The following PPP2R1B variants were observed in gnomAD, a reference collection of about 807,000 sequenced individuals.
PPP2R1B encodes protein phosphatase 2 scaffold subunit Abeta.
Under a neutral mutation model 72.7 loss-of-function variants are expected in PPP2R1B, and 58 were observed. The ratio of observed to expected loss-of-function variants is 0.80; its 90% CI spans 0.65 to 0.99. The LOEUF is 0.99. Among genes scored for constraint, PPP2R1B ranks in the 50% least tolerant of loss-of-function variants. The probability of loss-of-function intolerance (pLI) is 0.00; values close to 1 mark genes in which losing one functional copy is unlikely to be tolerated. For missense variants in PPP2R1B, 695 were observed against 733.6 expected, an observed-to-expected ratio of 0.95 and a Z score of 0.61; for synonymous variants, 256 against 264.6, an observed-to-expected ratio of 0.97 and a Z score of 0.32.
At chr11:111,720,563 C>T in the PPP2R1B span, 1 of 1,614,158 alleles carries the variant, frequency 6.2e-7, no homozygotes, top group Non-Finnish European at 8.5e-7. Flanking sequence ...GGGACCTGAA[C>T]TTTCTGGAAG....
chr11:111,754,399 T>C (rs1159571276), intron 8 of PPP2R1B, 100 bp downstream of exon 8: 15 of 1,442,338 alleles, frequency 1.0e-5, no homozygotes, highest in Non-Finnish European at 1.4e-5. Context: ...TGTCAACCTT[T>C]AAACTCAAAG....
At chr11:111,699,994 A>G in the PPP2R1B span, among the ~76,000 whole-genome samples, 17 of 152,254 alleles carry the variant, frequency 1.1e-4, no homozygotes, top group African/African-American at 3.4e-4. Context: ...AGTCAGGAGT[A>G]TGTAGCAACA....
chr11:111,760,164 A>T (rs1185930958), intron 4 of PPP2R1B, among the ~76,000 whole-genome samples: 2 of 152,192 alleles, frequency 1.3e-5, no homozygotes, highest in Non-Finnish European at 2.9e-5. Flanking sequence ...TAATCAAAGC[A>T]CTTTGGGAGG....
downstream of PPP2R1B, chr11:111,737,754 G>A: frequency 1.5e-6 from 2 of 1,328,114 alleles, no homozygotes; most frequent in Non-Finnish European, 2.0e-6. Flanking sequence ...GTGCTGAGGT[G>A]CCTTTCCCTC....
At chr11:111,761,300 GACAC>G (rs1945318569) in intron 3 of PPP2R1B, 1 of 625,514 alleles carries the variant, frequency 1.6e-6, no homozygotes, top group Non-Finnish European at 3.0e-6. Context: ...GTCTACAAAT[GACAC>G]AGTGTAAAAG....
chr11:111,737,499 A>G (rs749592176), downstream of PPP2R1B: 1 of 1,614,088 alleles, frequency 6.2e-7, no homozygotes, highest in Non-Finnish European at 8.5e-7. Flanking sequence ...GGTTCTTGTC[A>G]GCCCGAGGGA....
chr11:111,715,777 CTT>C, the PPP2R1B span, among the ~76,000 whole-genome samples: 1 of 143,354 alleles, frequency 7.0e-6, no homozygotes, highest in South Asian at 2.3e-4. Context: ...TACACGCACA[CTT>C]GAGTCATTTT....
At chr11:111,688,231 C>T in the PPP2R1B span, 1 of 1,504,434 alleles carries the variant, frequency 6.6e-7, no homozygotes. The surrounding 1 kb of genome is among the most constrained non-coding windows in gnomAD (Gnocchi z 4.2). Flanking sequence ...TGGAAACAGA[C>T]CTGCAGGCGC....
At chr11:111,720,125 G>T in the PPP2R1B span, 1 of 974,028 alleles carries the variant, frequency 1.0e-6, no homozygotes, top group Non-Finnish European at 1.5e-6. Context: ...TTCCTTTATG[G>T]ATTAGATTCA....
chr11:111,764,731 G>A (rs1372570595), intron 3 of PPP2R1B, 74 bp downstream of exon 3: 2 of 1,441,296 alleles, frequency 1.4e-6, no homozygotes, highest in Non-Finnish European at 1.9e-6. Flanking sequence ...GCTGCAGTGT[G>A]TCTATCACCA....
At chr11:111,736,078 C>A (rs950910703), downstream of PPP2R1B, among the ~76,000 whole-genome samples, 2 of 152,104 alleles carry the variant, frequency 1.3e-5, no homozygotes, top group Admixed American at 1.3e-4. Flanking sequence ...AAAAAGATTC[C>A]CAAATAGACA....
chr11:111,739,329 CCTT>C lies in PPP2R1B; in HGVS notation c.*2264_*2266del. ...TGAAATCAAGATAGGAGAACTTTTC[CCTT>C]AAGTTTAAGGTAGTTAAAAAAAAAA... On this transcript the variant is annotated 3_prime_UTR_variant, in exon 15 of 15. Transcript: ENST00000527614. 1.0e-6 allele frequency: 1 copy of C among 967,842 alleles called. No individual in the cohort carries two copies. Among genetic ancestry groups the C allele is most frequent in the Non-Finnish European group, 1.2e-6 (1 of 822,838 alleles). 60.0% of individuals were successfully genotyped at this position (967,842 alleles called of 1,614,324 possible).
chr11:111,765,364 C>CT lies in PPP2R1B; in HGVS notation c.134dup (p.Lys46GlufsTer17). The CT allele has an allele frequency of 1.2e-6, 2 of 1,612,944 alleles. No homozygotes were observed. The highest frequency in any genetic ancestry group is 2.2e-5 in the South Asian group (2 of 90,822). ...GTGCTAGGGCAATTGTTGATAACTTCTTAATACTGTTGAGTCGGAGCTTCA... is the reference window on the plus strand; with the variant it reads ...GTGCTAGGGCAATTGTTGATAACTTCTTTAATACTGTTGAGTCGGAGCTTCA... On this transcript the variant is annotated frameshift_variant, in exon 2 of 15. Transcript: ENST00000527614. LOFTEE classifies it high-confidence loss of function.
chr11:111,735,778 C>T (rs549258726), downstream of PPP2R1B, among the ~76,000 whole-genome samples: 2 of 152,136 alleles, frequency 1.3e-5, no homozygotes, highest in Non-Finnish European at 2.9e-5. Flanking sequence ...TCACGCTCAC[C>T]CCATTCGGAC....
the PPP2R1B span, among the ~76,000 whole-genome samples, chr11:111,700,470 G>A: frequency 6.6e-6 from 1 of 152,162 alleles, no homozygotes; most frequent in Admixed American, 6.5e-5. Context: ...TTGTGTTTAG[G>A]TGAATGTCTT....
the PPP2R1B span, among the ~76,000 whole-genome samples, chr11:111,717,700 C>T: frequency 6.6e-6 from 1 of 152,320 alleles, no homozygotes; most frequent in African/African-American, 2.4e-5. Flanking sequence ...CCCAAATGCC[C>T]ATCAGTGATA....
At chr11:111,756,507 G>A (rs1456733482) in intron 5 of PPP2R1B, among the ~76,000 whole-genome samples, 4 of 152,162 alleles carry the variant, frequency 2.6e-5, no homozygotes, top group Non-Finnish European at 4.4e-5. Context: ...GTAAGAGTAA[G>A]AGTAAAGGAA....
chr11:111,766,368 T>TC lies in PPP2R1B; in HGVS notation c.-8dup. On this transcript the variant is annotated 5_prime_UTR_variant, in exon 1 of 15. Transcript: ENST00000527614. ...GCTCTGATGCGCCCGCCATGTTCTT[T>TC]CTCCTCCTGCTGCTGGTCACCGCCT... 1.2e-6 allele frequency: 1 copy of TC among 832,164 alleles called. No individual in the cohort carries two copies. The highest frequency in any genetic ancestry group is 1.7e-6 in the Non-Finnish European group (1 of 587,582). 51.5% of individuals were successfully genotyped at this position (832,164 alleles called of 1,614,324 possible). A position where few individuals can be genotyped will look rare whatever the true frequency, so the allele number is the denominator to read the frequency against.
chr11:111,743,068 A>G (rs1337670237), intron 12 of PPP2R1B, among the ~76,000 whole-genome samples: 1 of 151,712 alleles, frequency 6.6e-6, no homozygotes, highest in African/African-American at 2.4e-5. Context: ...TAATTTTTGT[A>G]TTTTTAGTAG....
Sources: gnomAD v4.1 joint callset for allele counts (sites outside exome capture counted in the v4.1 genomes callset) on GRCh38, gnomAD v4.1.1 for gene constraint, Gnocchi (gnomAD v3.1) non-coding constraint, MANE v1.5 for transcripts, NCBI Gene and HGNC (gene_info 2026-07-23, HGNC 2026-07-21) for gene names.